Variants in EGFLAM observed in about 807,000 individuals in gnomAD.
EGFLAM encodes the protein EGF like, fibronectin type III and laminin G domains, also known as pikachurin.
In EGFLAM, 79 loss-of-function variants were observed where a neutral mutation model predicts 113.1. The observed-to-expected ratio is 0.70, with a 90% CI of 0.58 to 0.84. The LOEUF is 0.84. EGFLAM is among the 40% of genes least tolerant of loss of function. The pLI, the probability that EGFLAM is intolerant of heterozygous loss-of-function variation, is 0.00. For synonymous variants in EGFLAM, 504 were observed against 487.6 expected, an observed-to-expected ratio of 1.03 and a Z score of -0.44; for missense variants, 1,265 against 1,291.6, an observed-to-expected ratio of 0.98 and a Z score of 0.32.
chr5:38,449,170 A>G (rs1742823285), intron 18 of EGFLAM, among the ~76,000 whole-genome samples: 1 of 152,048 alleles, frequency 6.6e-6, no homozygotes, highest in South Asian at 2.1e-4. Flanking sequence ...CTCCCCACAC[A>G]ATCATTCTGG....
At chr5:38,390,307 T>C (rs1325160405) in intron 6 of EGFLAM, among the ~76,000 whole-genome samples, 1 of 152,218 alleles carries the variant, frequency 6.6e-6, no homozygotes, top group Non-Finnish European at 1.5e-5. Context: ...TTCTCTACAA[T>C]CTTATGTTTT....
intron 12 of EGFLAM, among the ~76,000 whole-genome samples, chr5:38,422,975 C>T (rs1396209337): frequency 6.6e-6 from 1 of 152,126 alleles, no homozygotes; most frequent in Non-Finnish European, 1.5e-5. Flanking sequence ...TGACCTTGTA[C>T]CCACACTGGT....
chr5:38,398,446 C>G lies in EGFLAM; in HGVS notation c.713-7680C>G, dbSNP rs78253383. 8.3e-4 allele frequency among the ~76,000 whole-genome samples: 126 copies of G among 152,182 alleles called. 1 individual carries two copies. The highest frequency in any genetic ancestry group is 2.8e-3 in the African/African-American group (117 of 41,506). Reference sequence around the variant, plus strand: ...ATAAAATTACAAACTCATAATGCCACTAAAGAGGAGAGCTATGAGAACATA... The same window carrying G: ...ATAAAATTACAAACTCATAATGCCAGTAAAGAGGAGAGCTATGAGAACATA... On this transcript the variant is annotated intron_variant, in intron 6 of 21. Coordinates refer to ENST00000322350, the MANE Select transcript of EGFLAM (RefSeq NM_152403.4).
At chr5:38,302,389 A>G (rs1396993599) in intron 1 of EGFLAM, among the ~76,000 whole-genome samples, 1 of 152,170 alleles carries the variant, frequency 6.6e-6, no homozygotes, top group Non-Finnish European at 1.5e-5. Context: ...CAGCTGGGCC[A>G]TCCTCCTGCT....
intron 14 of EGFLAM, among the ~76,000 whole-genome samples, chr5:38,429,033 G>T (rs1742104621): frequency 6.6e-6 from 1 of 152,202 alleles, no homozygotes; most frequent in Non-Finnish European, 1.5e-5. Flanking sequence ...CCATTTCAAA[G>T]ACTTCTTGCT....
intron 1 of EGFLAM, among the ~76,000 whole-genome samples, chr5:38,304,738 A>G (rs1758683199): frequency 1.3e-5 from 2 of 152,220 alleles, no homozygotes; most frequent in South Asian, 4.1e-4. Context: ...AGTGCCTCTA[A>G]CATGAAAGAT....
chr5:38,455,186 A>G (rs931987971), intron 19 of EGFLAM, among the ~76,000 whole-genome samples: 2 of 152,140 alleles, frequency 1.3e-5, no homozygotes, highest in African/African-American at 4.8e-5. Flanking sequence ...GGCATGATTA[A>G]AAGTGCCACC....
chr5:38,330,258 C>T (rs1162530289), intron 1 of EGFLAM, among the ~76,000 whole-genome samples: 1 of 152,188 alleles, frequency 6.6e-6, no homozygotes, highest in Non-Finnish European at 1.5e-5. Flanking sequence ...ATTGGATATA[C>T]TCTTGAGAGA....
chr5:38,462,426 G>T (rs1266025065), intron 20 of EGFLAM, among the ~76,000 whole-genome samples: 1 of 152,106 alleles, frequency 6.6e-6, no homozygotes, highest in Admixed American at 6.5e-5. Flanking sequence ...ACCTTTCCCA[G>T]CCCCAGTGTT....
intron 19 of EGFLAM, among the ~76,000 whole-genome samples, chr5:38,451,975 G>C (rs1358611599): frequency 6.4e-5 from 8 of 125,570 alleles, no homozygotes; most frequent in African/African-American, 2.5e-4. Context: ...CTGGGTGACA[G>C]AGCAAGACTC....
At chr5:38,432,716 A>G (rs1196390125) in intron 15 of EGFLAM, among the ~76,000 whole-genome samples, 5 of 152,212 alleles carry the variant, frequency 3.3e-5, no homozygotes, top group Admixed American at 6.5e-5. Context: ...TAAAACAGGA[A>G]CAAAAGCTGA....
intron 12 of EGFLAM, among the ~76,000 whole-genome samples, chr5:38,419,574 C>T (rs1250167156): frequency 3.9e-5 from 6 of 152,180 alleles, no homozygotes; most frequent in Admixed American, 1.3e-4. Flanking sequence ...AGGTAGGATT[C>T]GATCCTCATG....
chr5:38,410,914 C>G (rs999270326), intron 10 of EGFLAM, among the ~76,000 whole-genome samples: 1 of 152,172 alleles, frequency 6.6e-6, no homozygotes, highest in Admixed American at 6.5e-5. Context: ...AGAGAAATCC[C>G]TGGAAACACA....
At chr5:38,375,060 G>GTTTTTTTTTTTTTTTTTTTT (rs74821426) in intron 6 of EGFLAM, among the ~76,000 whole-genome samples, 1 of 107,742 alleles carries the variant, frequency 9.3e-6, no homozygotes, top group East Asian at 3.0e-4. Flanking sequence ...CTCTGTTGTT[G>GTTTTTTTTTTTTTTTTTTTT]TTTTTTTTTT....
At chr5:38,264,967 G>A (rs1757596745) in intron 1 of EGFLAM, among the ~76,000 whole-genome samples, 1 of 152,202 alleles carries the variant, frequency 6.6e-6, no homozygotes, top group South Asian at 2.1e-4. Context: ...TCATAAGGAA[G>A]CACTTCTCTC....
At chr5:38,358,348 G>A (rs149295584) in intron 5 of EGFLAM, among the ~76,000 whole-genome samples, 4,676 of 150,550 alleles carry the variant, frequency 0.031, 111 homozygotes, top group East Asian at 0.057. Context: ...TCGGGAGGCT[G>A]AGGCAGAAGA....
intron 18 of EGFLAM, 24 bp downstream of exon 18, chr5:38,448,403 T>G: frequency 6.2e-7 from 1 of 1,611,394 alleles, no homozygotes; most frequent in South Asian, 1.1e-5. Context: ...ACAGGCACCT[T>G]CCTCAGCTTT....
chr5:38,315,841 C>T (rs1363493739), intron 1 of EGFLAM, among the ~76,000 whole-genome samples: 1 of 152,006 alleles, frequency 6.6e-6, no homozygotes, highest in African/African-American at 2.4e-5. Flanking sequence ...TTTGGGAAGC[C>T]GAGGCAGGTG....
intron 1 of EGFLAM, among the ~76,000 whole-genome samples, chr5:38,275,863 A>C (rs1040354836): frequency 3.9e-5 from 6 of 152,244 alleles, no homozygotes; most frequent in Non-Finnish European, 8.8e-5. Flanking sequence ...AATTATGTTA[A>C]GTATCTTTTC....
Sources: gnomAD v4.1 joint callset for allele counts (sites outside exome capture counted in the v4.1 genomes callset) on GRCh38, gnomAD v4.1.1 for gene constraint, MANE v1.5 for transcripts, NCBI Gene and HGNC (gene_info 2026-07-23, HGNC 2026-07-21) for gene names.